Variants in LMBR1 observed in about 807,000 individuals in gnomAD.
The protein encoded by LMBR1 is limb region 1 protein homolog.
Under a neutral mutation model 73.9 loss-of-function variants are expected in LMBR1, and 52 were observed. That is an observed-to-expected ratio of 0.70 (90% CI 0.56 to 0.89). The LOEUF (loss-of-function observed/expected upper bound fraction) is 0.89, where lower values mean the gene tolerates loss of function less well. Ranked by LOEUF, LMBR1 falls within the 40% of genes least tolerant of loss-of-function variation. The pLI, the probability that LMBR1 is intolerant of heterozygous loss-of-function variation, is 0.00. For missense variants in LMBR1, 539 were observed against 579.8 expected, an observed-to-expected ratio of 0.93 and a Z score of 0.72; for synonymous variants, 215 against 209.4, an observed-to-expected ratio of 1.03 and a Z score of -0.23.
intron 1 of LMBR1, among the ~76,000 whole-genome samples, chr7:156,869,296 T>G (rs1040184904): frequency 6.6e-6 from 1 of 151,978 alleles, no homozygotes; most frequent in Non-Finnish European, 1.5e-5. Flanking sequence ...TCTACAAATA[T>G]CTACTACAGA....
rs138491344 is a variant in LMBR1, at chr7:156,870,566, C to T, written c.66+22362G>A. Among the ~76,000 whole-genome samples, 378 of 152,114 alleles carry T rather than the reference C, an allele frequency of 2.5e-3. 6 individuals are homozygous for T. In the East Asian group the frequency reaches 0.031, roughly 12 times the overall value. Reference sequence around the variant, plus strand: ...GGATCATGAGGTCAGGAGATCGAGACCACCCTGGCTAACACGGTGAAACCC... The same window carrying T: ...GGATCATGAGGTCAGGAGATCGAGATCACCCTGGCTAACACGGTGAAACCC... On this transcript the variant is annotated intron_variant, in intron 1 of 16. Coordinates refer to ENST00000353442, the MANE Select transcript of LMBR1 (RefSeq NM_022458.4).
rs78125402 is a variant in LMBR1 at position 156,889,094 on chromosome 7, A to G, written c.66+3834T>C. On this transcript the variant is annotated intron_variant, in intron 1 of 16. Coordinates refer to ENST00000353442, the MANE Select transcript of LMBR1 (RefSeq NM_022458.4). Reference sequence around the variant, plus strand: ...AGAAAAAGAAATTTTGACACATGCTACAACACAGGTGAACTTTGAAGGCAT... The same window carrying G: ...AGAAAAAGAAATTTTGACACATGCTGCAACACAGGTGAACTTTGAAGGCAT... 6.6e-3 allele frequency among the ~76,000 whole-genome samples: 1,008 copies of G among 152,284 alleles called. 12 individuals carry two copies. Among genetic ancestry groups the G allele is most frequent in the African/African-American group, 0.023 (944 of 41,556 alleles).
chr7:156,840,924 C>A (rs1838579224), intron 1 of LMBR1, among the ~76,000 whole-genome samples: 1 of 140,690 alleles, frequency 7.1e-6, no homozygotes, highest in African/African-American at 2.7e-5. Context: ...GAGATCGTGC[C>A]ACTGCACTCC....
intron 10 of LMBR1, 144 bp downstream of exon 10, chr7:156,734,033 A>C (rs1817381619): frequency 7.7e-6 from 4 of 518,250 alleles, no homozygotes; most frequent in Non-Finnish European, 1.0e-5. Context: ...CCCAAACTGT[A>C]AGATAGTCTT....
In LMBR1 at chr7:156,684,082, A is replaced by G. The variant is rs1305487209; in HGVS notation, c.1469T>C (p.Leu490Pro). Residue 490 changes from leucine to proline, a missense_variant, in exon 17 of 17, where the codon CTG (leucine) becomes CCG (proline). Physicochemically the swap from Leu to Pro is moderately conservative, Grantham distance 98 (BLOSUM62 -3). Around this residue, in one of 3 missense-constraint regions of LMBR1, gnomAD observed 69 missense variants for 68.5 expected, o/e 1.01. Coordinates refer to ENST00000353442, the MANE Select transcript of LMBR1 (RefSeq NM_022458.4). ...KPSVNGHQKA[L>P] is the part of the protein sequence containing the mutation. ...AGAAGACGCCGTCTGTGCGTCTCAC[A>G]GTGCTTTCTGATGCCCATTTACAGA... 2 of 1,613,102 alleles carry G rather than the reference A, an allele frequency of 1.2e-6. No individual in the cohort carries two copies. Among genetic ancestry groups the G allele is most frequent in the Non-Finnish European group, 1.7e-6 (2 of 1,179,194 alleles).
In LMBR1 at chr7:156,688,119, G is replaced by A. The variant is rs764846509; in HGVS notation, c.1298C>T (p.Ser433Phe). 10 of 1,610,786 alleles carry A rather than the reference G, an allele frequency of 6.2e-6. No individual in the cohort carries two copies. Among genetic ancestry groups the A allele is most frequent in the East Asian group, 2.2e-5 (1 of 44,750 alleles). Residue 433 changes from serine (S) to phenylalanine (F), a missense_variant, in exon 16 of 17, where the codon TCC becomes TTC. Coordinates refer to ENST00000353442, the MANE Select transcript of LMBR1 (RefSeq NM_022458.4). ...CACAATAGCAAAAAGCAAATTGTAG[G>A]ATAATACAATATAGAAATTTCCCAG... ...NWLGNFYIVLSYNLLFAIVTT... is the reference protein window; with the variant it reads ...NWLGNFYIVLFYNLLFAIVTT...
At chr7:156,725,937 T>A in intron 12 of LMBR1, 100 bp from the exon 13 acceptor site, 1 of 845,188 alleles carries the variant, frequency 1.2e-6, no homozygotes. Flanking sequence ...AAATTATGAA[T>A]GTTTACTACT....
At chr7:156,750,302 G>A (rs1297215231) in intron 9 of LMBR1, among the ~76,000 whole-genome samples, 5 of 151,952 alleles carry the variant, frequency 3.3e-5, no homozygotes, top group Admixed American at 1.3e-4. Context: ...GTGTACGTGT[G>A]TGTGTGTGTG....
intron 15 of LMBR1, among the ~76,000 whole-genome samples, chr7:156,702,432 A>G (rs958799163): frequency 6.6e-6 from 1 of 152,024 alleles, no homozygotes; most frequent in African/African-American, 2.4e-5. Flanking sequence ...TCTTTTGAGA[A>G]CTGTATGTTC....
At chr7:156,771,916 G>T (rs1194700176) in intron 5 of LMBR1, among the ~76,000 whole-genome samples, 4 of 152,106 alleles carry the variant, frequency 2.6e-5, no homozygotes, top group African/African-American at 9.7e-5. Flanking sequence ...CCCTGGGATG[G>T]AAGGTTGGTT....
In LMBR1 at chr7:156,893,057, G is replaced by A; in HGVS notation, c.-64C>T. On this transcript the variant is annotated 5_prime_UTR_variant, in exon 1 of 17. Coordinates refer to ENST00000353442, the MANE Select transcript of LMBR1 (RefSeq NM_022458.4). The stretch of plus-strand genomic sequence containing the variant: ...TGCTCCGCCACACCATCGTCCGCCC[G>A]CCGCAGGGGCTCGGACAGCCGCGCC... 7.2e-7 allele frequency: 1 copy of A among 1,396,304 alleles called. No homozygotes were observed. The highest frequency in any genetic ancestry group is 1.5e-5 in the South Asian group (1 of 65,320). The allele number at this position is 1,396,304 out of a possible 1,614,324, so 86.5% of individuals were successfully genotyped here.
At chr7:156,748,829 T>C (rs1314514908) in intron 9 of LMBR1, among the ~76,000 whole-genome samples, 1 of 152,220 alleles carries the variant, frequency 6.6e-6, no homozygotes, top group African/African-American at 2.4e-5. Flanking sequence ...TCTATATATA[T>C]ATTTCATAAA....
chr7:156,697,577 T>C (rs1191337153), intron 15 of LMBR1, among the ~76,000 whole-genome samples: 3 of 152,156 alleles, frequency 2.0e-5, no homozygotes, highest in East Asian at 1.9e-4. Context: ...TTAATATCAA[T>C]ATTCCTTTCT....
At chr7:156,885,089 G>C (rs1801665719) in intron 1 of LMBR1, among the ~76,000 whole-genome samples, 2 of 152,198 alleles carry the variant, frequency 1.3e-5, no homozygotes, top group Admixed American at 1.3e-4. Flanking sequence ...GGTGGCTCAT[G>C]CCTGTAATCC....
Position 156,843,630 on chromosome 7 carries a change from G to A in LMBR1, c.67-6745C>T, listed in dbSNP as rs189854151. Reference sequence around the variant, plus strand: ...GGAGGCTAACGCAGTTGGATCACTTGAGGTCAGGAGTTCAACACCAGCCTG... The same window carrying A: ...GGAGGCTAACGCAGTTGGATCACTTAAGGTCAGGAGTTCAACACCAGCCTG... On this transcript the variant is annotated intron_variant, in intron 1 of 16. Transcript: ENST00000353442. 4.6e-5 allele frequency among the ~76,000 whole-genome samples: 7 copies of A among 152,188 alleles called. No homozygotes were observed. The East Asian group carries it at 1.3e-3, about 29-fold the overall frequency.
At chr7:156,770,187 GTCTA>G (rs779984994) in intron 5 of LMBR1, among the ~76,000 whole-genome samples, 1 of 152,084 alleles carries the variant, frequency 6.6e-6, no homozygotes, top group Non-Finnish European at 1.5e-5. Context: ...CAAAAAGTAT[GTCTA>G]TCTTTTTTTT....
chr7:156,689,204 T>C (rs1213067130), intron 15 of LMBR1, among the ~76,000 whole-genome samples: 3 of 152,178 alleles, frequency 2.0e-5, no homozygotes, highest in Non-Finnish European at 2.9e-5. Flanking sequence ...ATCACATCAT[T>C]CAGGTGTCGG....
In LMBR1 at chr7:156,857,591, T is replaced by A. The variant is rs142415627; in HGVS notation, c.67-20706A>T. ...GGGTACATAGTTGAACTGAACGGCA[T>A]CATCTATCAACTGGATCTAATTGAC... On this transcript the variant is annotated intron_variant, in intron 1 of 16. Coordinates refer to ENST00000353442, the MANE Select transcript of LMBR1 (RefSeq NM_022458.4). Among the ~76,000 whole-genome samples the A allele has an allele frequency of 4.6e-3, 696 of 152,338 alleles. 4 individuals are homozygous for A. The highest frequency in any genetic ancestry group is 0.024 in the Middle Eastern group (7 of 294).
chr7:156,728,595 T>A lies in LMBR1; in HGVS notation c.915+49A>T, dbSNP rs553502439. On this transcript the variant is annotated intron_variant, in intron 11 of 16. Coordinates refer to ENST00000353442, the MANE Select transcript of LMBR1 (RefSeq NM_022458.4). The stretch of plus-strand genomic sequence containing the variant: ...GAGCTGCCATACTCAAATGCTGAAG[T>A]AAATAAAATATAATTTGCTTTTATT... The A allele has an allele frequency of 2.4e-5, 33 of 1,349,700 alleles. No individual in the cohort carries two copies. The South Asian group carries it at 4.0e-4, about 16-fold the overall frequency. 83.6% of individuals were successfully genotyped at this position (1,349,700 alleles called of 1,614,324 possible). A position where few individuals can be genotyped will look rare whatever the true frequency, so the allele number is the denominator to read the frequency against.
Sources: allele counts gnomAD v4.1 joint callset (sites outside exome capture counted in the v4.1 genomes callset), GRCh38; gene constraint gnomAD v4.1.1; regional missense constraint gnomAD v4.1.1; transcripts MANE v1.5; gene names NCBI Gene and HGNC (gene_info 2026-07-23, HGNC 2026-07-21).